Variants in PRKN observed in about 807,000 individuals in gnomAD.
The protein encoded by PRKN is E3 ubiquitin-protein ligase parkin.
PRKN carries 56 observed loss-of-function variants against 59.5 expected under a neutral mutation model. The observed-to-expected ratio is 0.94, with a 90% CI of 0.76 to 1.18. The LOEUF (loss-of-function observed/expected upper bound fraction) is 1.18, where lower values mean the gene tolerates loss of function less well. Among genes scored for constraint, PRKN ranks in the 50% most tolerant of loss-of-function variants. The pLI is 0.00. For synonymous variants in PRKN, 250 were observed against 222.1 expected (o/e 1.13, Z -1.12); for missense variants, 657 against 596.4 (o/e 1.10, Z -1.06).
At chr6:162,166,369 T>C (rs563918500) in intron 4 of PRKN, among the ~76,000 whole-genome samples, 209 of 152,276 alleles carry the variant, frequency 1.4e-3, no homozygotes, top group African/African-American at 5.0e-3. Flanking sequence ...GAAGTGTTTC[T>C]GCCCCTGCTG....
At chr6:162,344,435 T>C (rs1399832467) in intron 2 of PRKN, among the ~76,000 whole-genome samples, 1 of 152,136 alleles carries the variant, frequency 6.6e-6, no homozygotes, top group Non-Finnish European at 1.5e-5. Flanking sequence ...TGTGATTCTA[T>C]GAATCATATA....
intron 6 of PRKN, among the ~76,000 whole-genome samples, chr6:161,951,936 G>A (rs1335871808): frequency 6.6e-6 from 1 of 150,816 alleles, no homozygotes; most frequent in African/African-American, 2.4e-5. Context: ...AAAAAAGAAA[G>A]GAAGAAGGAA....
chr6:162,560,859 A>AAAAAAAAAAAAAC (rs1274512897), intron 1 of PRKN, among the ~76,000 whole-genome samples: 4 of 150,408 alleles, frequency 2.7e-5, no homozygotes, highest in Admixed American at 2.0e-4. Context: ...GAGGCAAAAA[A>AAAAAAAAAAAAAC]AAAAAAAACC....
chr6:161,575,949 A>T lies in PRKN; in HGVS notation c.872-6533T>A, dbSNP rs1781114998. Among the ~76,000 whole-genome samples the T allele has an allele frequency of 6.6e-6, 1 of 152,186 alleles. No homozygotes were observed. Among genetic ancestry groups the T allele is most frequent in the African/African-American group, 2.4e-5 (1 of 41,440 alleles). ...GACAATGCAGCGAGACTGAACACTG[A>T]CCTCTGAGCACAAGCCAGAGAGCAT... On this transcript the variant is annotated intron_variant, in intron 7 of 11. Transcript: ENST00000366898. The surrounding 1 kb of genome is among the most constrained non-coding windows in gnomAD (Gnocchi z 4.6).
In PRKN at chr6:161,458,612, C is replaced by T. The variant is rs1339178372; in HGVS notation, c.1084-71735G>A. On this transcript the variant is annotated intron_variant, in intron 9 of 11. Coordinates refer to ENST00000366898, the MANE Select transcript of PRKN (RefSeq NM_004562.3). This position sits in a 1 kb window ranked among gnomAD's most constrained non-coding sequence, Gnocchi z 6.1. ...TGATTTAATAGCAAAGGAGCATTTC[C>T]AAGGTACAAAAACATTTCAGCCATT... Among the ~76,000 whole-genome samples the T allele has an allele frequency of 2.0e-5, 3 of 152,114 alleles. No individual in the cohort carries two copies. The highest frequency in any genetic ancestry group is 7.2e-5 in the African/African-American group (3 of 41,454).
rs1184405562 is a variant in PRKN, at chr6:161,598,668, TTTTC to T, written c.872-29256_872-29253del. Among the ~76,000 whole-genome samples the T allele has an allele frequency of 2.0e-5, 3 of 152,366 alleles. No homozygotes were observed. In the East Asian group the frequency reaches 5.8e-4, roughly 29 times the overall value. ...TAAGCATCCACTCGATGGAATGTGT[TTTTC>T]TTCCTTCAAAGCATAAGATACAGGA... On this transcript the variant is annotated intron_variant, in intron 7 of 11. Transcript: ENST00000366898.
At chr6:162,203,279 T>A (rs74496269) in intron 3 of PRKN, among the ~76,000 whole-genome samples, 401 of 152,266 alleles carry the variant, frequency 2.6e-3, no homozygotes, top group African/African-American at 9.3e-3. Flanking sequence ...AAATACTGTA[T>A]GCCAATGTCT....
chr6:162,083,845 G>A (rs1413005157), intron 4 of PRKN, among the ~76,000 whole-genome samples: 1 of 151,962 alleles, frequency 6.6e-6, no homozygotes, highest in Non-Finnish European at 1.5e-5. Context: ...AATACCTGCA[G>A]ACAGATATCT....
chr6:161,737,502 T>G (rs1043253343), intron 7 of PRKN, among the ~76,000 whole-genome samples: 1 of 152,208 alleles, frequency 6.6e-6, no homozygotes, highest in Non-Finnish European at 1.5e-5. Context: ...AAAAGAATTA[T>G]AAGATCTAAT....
At chr6:161,510,832 T>G (rs1249796586) in intron 9 of PRKN, among the ~76,000 whole-genome samples, 1 of 152,160 alleles carries the variant, frequency 6.6e-6, no homozygotes, top group Non-Finnish European at 1.5e-5. Flanking sequence ...AAGAGATTGG[T>G]CTCCATTGGA....
At position 161,577,991 on chromosome 6, in the gene PRKN, C is replaced by T. The variant is rs118189230; in HGVS notation, c.872-8575G>A. Among the ~76,000 whole-genome samples the T allele has an allele frequency of 2.0e-3, 298 of 152,256 alleles. 2 individuals are homozygous for T. Among genetic ancestry groups the T allele is most frequent in the Middle Eastern group, 0.01 (3 of 294 alleles). On this transcript the variant is annotated intron_variant, in intron 7 of 11. Transcript: ENST00000366898. ...AACTCTTGAGTGTACACTTACTATG[C>T]GTAACGCCAGGGGCCATAGAGAAAT... is the stretch of plus-strand genomic sequence containing the variant.
In PRKN at chr6:162,301,784, G is replaced by C. The variant is rs547886239; in HGVS notation, c.172-39019C>G. ...CTTCAGCAAATAAATTGGCCGGGGCGGGGGGGGGGTGCAGAATTCACTTTC... is the reference window on the plus strand; with the variant it reads ...CTTCAGCAAATAAATTGGCCGGGGCCGGGGGGGGGTGCAGAATTCACTTTC... On this transcript the variant is annotated intron_variant, in intron 2 of 11. Coordinates refer to ENST00000366898, the MANE Select transcript of PRKN (RefSeq NM_004562.3). 7.5e-3 allele frequency among the ~76,000 whole-genome samples: 235 copies of C among 31,162 alleles called. 12 individuals are homozygous for C. In the East Asian group the frequency reaches 0.25, roughly 33 times the overall value. The allele number at this position is 31,162 out of a possible 152,430, so 20.4% of individuals were successfully genotyped here. A position where few individuals can be genotyped will look rare whatever the true frequency, so the allele number is the denominator to read the frequency against.
intron 1 of PRKN, among the ~76,000 whole-genome samples, chr6:162,595,835 A>T (rs1395157437): frequency 1.3e-5 from 2 of 152,144 alleles, no homozygotes; most frequent in Non-Finnish European, 2.9e-5. Flanking sequence ...TACTAATGCT[A>T]ATGTTAATGA....
rs372464914 is a variant in PRKN, at chr6:162,080,375, C to T, written c.535-26201G>A. Among the ~76,000 whole-genome samples, 31 of 151,870 alleles carry T rather than the reference C, an allele frequency of 2.0e-4. No individual in the cohort carries two copies. The East Asian group carries it at 2.9e-3, about 14-fold the overall frequency. On this transcript the variant is annotated intron_variant, in intron 4 of 11. Transcript: ENST00000366898. ...ACAAAACACATGAAAAGTTCTTTTC[C>T]GCCCTAAAACACTGTAATGTTAGTT...
chr6:162,050,040 C>G (rs765617411), intron 5 of PRKN, among the ~76,000 whole-genome samples: 1 of 152,152 alleles, frequency 6.6e-6, no homozygotes, highest in Non-Finnish European at 1.5e-5. Flanking sequence ...TTTTAAACTG[C>G]TTTATCTTCC....
At position 161,562,276 on chromosome 6, in the gene PRKN, C is replaced by T. The variant is rs372230686; in HGVS notation, c.933+7079G>A. Among the ~76,000 whole-genome samples, 1 of 151,004 alleles carries T rather than the reference C, an allele frequency of 6.6e-6. No individual in the cohort carries two copies. The highest frequency in any genetic ancestry group is 6.6e-5 in the Admixed American group (1 of 15,188). On this transcript the variant is annotated intron_variant, in intron 8 of 11. Coordinates refer to ENST00000366898, the MANE Select transcript of PRKN (RefSeq NM_004562.3). This position sits in a 1 kb window ranked among gnomAD's most constrained non-coding sequence, Gnocchi z 4.3. ...ACCCGCCTTCTTGGCTTCCTCAACA[C>T]CACAAATTGCCATTCCTCCTCCGGA...
At chr6:162,679,490 A>G (rs1236673270) in intron 1 of PRKN, among the ~76,000 whole-genome samples, 4 of 152,194 alleles carry the variant, frequency 2.6e-5, no homozygotes, top group Non-Finnish European at 4.4e-5. Flanking sequence ...TTGGTATTAT[A>G]TCTAAGAAAT....
At chr6:162,289,019 A>G (rs1432643070) in intron 2 of PRKN, among the ~76,000 whole-genome samples, 1 of 152,208 alleles carries the variant, frequency 6.6e-6, no homozygotes, top group Non-Finnish European at 1.5e-5. Flanking sequence ...GAATATGGCA[A>G]AAGTGTAGTT....
intron 1 of PRKN, among the ~76,000 whole-genome samples, chr6:162,462,109 CTG>C (rs1199340436): frequency 2.6e-5 from 4 of 152,094 alleles, no homozygotes; most frequent in Admixed American, 2.6e-4. Context: ...TGTGAGAACT[CTG>C]GAGCTGTCCC....
Sources: allele counts gnomAD v4.1 joint callset (sites outside exome capture counted in the v4.1 genomes callset), GRCh38; gene constraint gnomAD v4.1.1; non-coding constraint Gnocchi (gnomAD v3.1); transcripts MANE v1.5; gene names NCBI Gene and HGNC (gene_info 2026-07-23, HGNC 2026-07-21).